Variants in TRIO observed in about 807,000 individuals in gnomAD.
TRIO encodes the protein triple functional domain protein.
In TRIO, 58 loss-of-function variants were observed where a neutral mutation model predicts 351.9. That is an observed-to-expected ratio of 0.16 (90% CI 0.13 to 0.21). The LOEUF (loss-of-function observed/expected upper bound fraction) is 0.21, where lower values mean the gene tolerates loss of function less well. Ranked by LOEUF, TRIO falls within the 10% of genes least tolerant of loss-of-function variation. The probability of loss-of-function intolerance (pLI) is 1.00; values close to 1 mark genes in which losing one functional copy is unlikely to be tolerated. For missense variants in TRIO, 3,201 were observed against 4,027.8 expected (o/e 0.79, Z 5.56); for synonymous variants, 1,758 against 1,595.7 (o/e 1.10, Z -2.42).
chr5:14,492,473 G>A (rs1756560172), intron 48 of TRIO, 94 bp from the exon 49 acceptor site: 1 of 1,534,206 alleles, frequency 6.5e-7, no homozygotes, highest in Non-Finnish European at 8.9e-7. Context: ...ACGGGGTCAT[G>A]GTGCCATGGG....
chr5:14,173,811 C>G (rs2152128933), intron 1 of TRIO, among the ~76,000 whole-genome samples: 1 of 152,310 alleles, frequency 6.6e-6, no homozygotes, highest in East Asian at 1.9e-4. Flanking sequence ...TAGAAGAGCA[C>G]AGAGGTTTGC....
chr5:14,346,470 A>T (rs1257677558), intron 11 of TRIO, among the ~76,000 whole-genome samples: 1 of 152,242 alleles, frequency 6.6e-6, no homozygotes, highest in East Asian at 1.9e-4. Flanking sequence ...CATATTGAGC[A>T]TATCAGTCCA....
chr5:14,504,748 A>G (rs1376770775), intron 55 of TRIO, 155 bp downstream of exon 55: 14 of 916,378 alleles, frequency 1.5e-5, no homozygotes, highest in Non-Finnish European at 2.3e-5. Context: ...GCAGTTTTCA[A>G]GCCTTCCAGT....
Position 14,377,492 on chromosome 5 carries a change from C to T in TRIO, c.3332-520C>T, listed in dbSNP as rs138187301. 8.0e-3 allele frequency among the ~76,000 whole-genome samples: 1,223 copies of T among 152,216 alleles called. 13 individuals are homozygous for T. Among genetic ancestry groups the T allele is most frequent in the African/African-American group, 0.028 (1,152 of 41,538 alleles). On this transcript the variant is annotated intron_variant, in intron 19 of 56. Coordinates refer to ENST00000344204, the MANE Select transcript of TRIO (RefSeq NM_007118.4). ...GACTCCTGACCTCAGGTGATCCACC[C>T]ATCCGCCTCAGCCTCCCAAAGTACT...
chr5:14,269,887 G>GT (rs1219189817), intron 1 of TRIO, among the ~76,000 whole-genome samples: 7 of 152,258 alleles, frequency 4.6e-5, no homozygotes, highest in Non-Finnish European at 8.8e-5. Context: ...GTGGTGTTTT[G>GT]TTTTTTCCTA....
At chr5:14,278,567 T>C (rs1735734961) in intron 2 of TRIO, among the ~76,000 whole-genome samples, 1 of 152,234 alleles carries the variant, frequency 6.6e-6, no homozygotes, top group Admixed American at 6.5e-5. Context: ...ATAATTCAAG[T>C]TTCTGTAATA....
chr5:14,422,853 G>C (rs991247529), intron 34 of TRIO, among the ~76,000 whole-genome samples: 1 of 152,174 alleles, frequency 6.6e-6, no homozygotes, highest in East Asian at 1.9e-4. Context: ...GGCCAGGTGC[G>C]GTGGCACACA....
chr5:14,309,261 C>T (rs1190297325), intron 8 of TRIO, among the ~76,000 whole-genome samples: 1 of 152,146 alleles, frequency 6.6e-6, no homozygotes, highest in Non-Finnish European at 1.5e-5. Flanking sequence ...CAGCAAGAAA[C>T]CTGGCTTCTA....
chr5:14,198,130 A>G (rs1044477155), intron 1 of TRIO, among the ~76,000 whole-genome samples: 4 of 152,358 alleles, frequency 2.6e-5, no homozygotes, highest in Non-Finnish European at 5.9e-5. Context: ...AAAAGTCACT[A>G]CAGTCCTACC....
chr5:14,457,125 T>G (rs1753372331), intron 34 of TRIO, among the ~76,000 whole-genome samples: 1 of 152,200 alleles, frequency 6.6e-6, no homozygotes, highest in Admixed American at 6.5e-5. Flanking sequence ...TTTGCAGACT[T>G]CTGAAACAAA....
intron 1 of TRIO, among the ~76,000 whole-genome samples, chr5:14,243,348 A>G (rs1794243748): frequency 6.6e-6 from 1 of 151,248 alleles, no homozygotes; most frequent in Non-Finnish European, 1.5e-5. Flanking sequence ...TTTAAATTTG[A>G]TTAAAGATTA....
At chr5:14,158,953 A>G (rs1282946758) in intron 1 of TRIO, among the ~76,000 whole-genome samples, 1 of 152,208 alleles carries the variant, frequency 6.6e-6, no homozygotes, top group Admixed American at 6.5e-5. Flanking sequence ...TAATTTTCCT[A>G]CCCCTTACAA....
intron 1 of TRIO, among the ~76,000 whole-genome samples, chr5:14,209,503 AAT>A (rs1378550822): frequency 6.6e-6 from 1 of 152,122 alleles, no homozygotes; most frequent in Non-Finnish European, 1.5e-5. Flanking sequence ...AGTTTAGTGT[AAT>A]GTCATTATTT....
At chr5:14,430,196 T>A (rs116283514) in intron 34 of TRIO, among the ~76,000 whole-genome samples, 11,489 of 142,086 alleles carry the variant, frequency 0.081, 1,506 homozygotes, top group African/African-American at 0.28. Context: ...CTTTTTTTTT[T>A]AATTTTTTTA....
intron 34 of TRIO, among the ~76,000 whole-genome samples, chr5:14,458,722 C>T (rs541440080): frequency 6.6e-6 from 1 of 152,182 alleles, no homozygotes; most frequent in Non-Finnish European, 1.5e-5. Flanking sequence ...AAAAAATATT[C>T]GTTGAATAAA....
chr5:14,397,448 G>A lies in TRIO; in HGVS notation c.4423+294G>A, dbSNP rs1747703232. The stretch of plus-strand genomic sequence containing the variant: ...ACCTGTTCTCCCTGTTAGATGGATG[G>A]GTAGGTGGGTGTATGGGTGGATCAA... On this transcript the variant is annotated intron_variant, in intron 29 of 56. Transcript: ENST00000344204. The A allele has an allele frequency of 3.2e-5, 10 of 309,176 alleles. No homozygotes were observed. The South Asian group carries it at 4.4e-4, about 14-fold the overall frequency. The allele number at this position is 309,176 out of a possible 1,614,324, so 19.2% of individuals were successfully genotyped here. A position where few individuals can be genotyped will look rare whatever the true frequency, so the allele number is the denominator to read the frequency against.
intron 20 of TRIO, among the ~76,000 whole-genome samples, chr5:14,380,399 G>C (rs1030932098): frequency 2.0e-5 from 3 of 152,042 alleles, no homozygotes; most frequent in African/African-American, 7.3e-5. Context: ...CAGACCTCTG[G>C]GTTTCTCAGC....
At chr5:14,475,505 T>C (rs1755006708) in intron 40 of TRIO, among the ~76,000 whole-genome samples, 1 of 152,238 alleles carries the variant, frequency 6.6e-6, no homozygotes, top group Non-Finnish European at 1.5e-5. Flanking sequence ...GTGTTGTTAT[T>C]TCTGTGCTTC....
At chr5:14,396,375 T>G in intron 28 of TRIO, among the ~76,000 whole-genome samples, 1 of 148,556 alleles carries the variant, frequency 6.7e-6, no homozygotes, top group Non-Finnish European at 1.5e-5. Flanking sequence ...CAGTTGGACC[T>G]GACATGGCAG....
Sources: allele counts gnomAD v4.1 joint callset (sites outside exome capture counted in the v4.1 genomes callset), GRCh38; gene constraint gnomAD v4.1.1; transcripts MANE v1.5; gene names NCBI Gene and HGNC (gene_info 2026-07-23, HGNC 2026-07-21).